The following HDAC8 variants were observed in gnomAD, a reference collection of about 807,000 sequenced individuals.
HDAC8 encodes histone deacetylase 8.
In HDAC8, 1 loss-of-function variant was observed where a neutral mutation model predicts 32.2. The observed-to-expected ratio is 0.03, with a 90% CI of 0.01 to 0.15. The LOEUF (loss-of-function observed/expected upper bound fraction) is 0.15. HDAC8 is among the 10% of genes least tolerant of loss of function. HDAC8 has a pLI of 1.00. For synonymous variants in HDAC8, 108 were observed against 113.9 expected (o/e 0.95, Z 0.33); for missense variants, 117 against 300.0 (o/e 0.39, Z 4.51).
intron 9 of HDAC8, among the ~76,000 whole-genome samples, chrX:72,354,501 C>G (rs781800950): frequency 4.5e-4 from 50 of 112,216 alleles, no homozygotes; most frequent in Non-Finnish European, 8.1e-4. Context: ...GTTTAGCTAG[C>G]CATATAGCTA....
At chrX:72,356,046 G>T (rs1555950675) in intron 9 of HDAC8, among the ~76,000 whole-genome samples, 1 of 112,187 alleles carries the variant, frequency 8.9e-6, no homozygotes, top group African/African-American at 3.2e-5. Flanking sequence ...TTAATAGATT[G>T]ACTAACTTAA....
intron 9 of HDAC8, among the ~76,000 whole-genome samples, chrX:72,353,424 TC>T (rs2044239537): frequency 8.9e-6 from 1 of 112,299 alleles, no homozygotes; most frequent in African/African-American, 3.2e-5. Flanking sequence ...GTTATTACTC[TC>T]TGATACCTGA....
At chrX:72,428,243 G>A (rs1042469085) in intron 9 of HDAC8, among the ~76,000 whole-genome samples, 5 of 111,930 alleles carry the variant, frequency 4.5e-5, no homozygotes, top group South Asian at 7.5e-4. Flanking sequence ...ACAGGCATGC[G>A]CCACCACACC....
At chrX:72,354,184 A>G (rs1334105890) in intron 9 of HDAC8, among the ~76,000 whole-genome samples, 2 of 112,386 alleles carry the variant, frequency 1.8e-5, no homozygotes, top group Non-Finnish European at 3.8e-5. Context: ...ACAGTCATAC[A>G]TAACCCATTC....
intron 9 of HDAC8, among the ~76,000 whole-genome samples, chrX:72,377,458 C>T (rs1214516120): frequency 1.8e-5 from 2 of 112,368 alleles, no homozygotes; most frequent in Non-Finnish European, 3.8e-5. Context: ...TGTTGATCTT[C>T]TCCCTAGCTG....
chrX:72,405,511 C>G (rs2046013414), intron 9 of HDAC8, among the ~76,000 whole-genome samples: 1 of 112,279 alleles, frequency 8.9e-6, no homozygotes, highest in African/African-American at 3.2e-5. Flanking sequence ...AATGGTATTT[C>G]TGTCTTCAGG....
chrX:72,560,384 A>G (rs1313741112), intron 4 of HDAC8, among the ~76,000 whole-genome samples: 1 of 108,318 alleles, frequency 9.2e-6, no homozygotes, highest in Non-Finnish European at 1.9e-5. Flanking sequence ...AAGAGTCATC[A>G]CCACTCCCTA....
Position 72,390,145 on chromosome X carries a change from C to T in HDAC8, c.1006-38307G>A, listed in dbSNP as rs141171043. On this transcript the variant is annotated intron_variant, in intron 9 of 10. Transcript: ENST00000373573. Reference sequence around the variant, plus strand: ...ATTAGGGTAAATGGGGTATCCATCACCTCAAACATTCATCATGTCTTTGTG... The same window carrying T: ...ATTAGGGTAAATGGGGTATCCATCATCTCAAACATTCATCATGTCTTTGTG... Among the ~76,000 whole-genome samples, 298 of 111,164 alleles carry T rather than the reference C, an allele frequency of 2.7e-3. 1 individual carries two copies. The highest frequency in any genetic ancestry group is 9.2e-3 in the African/African-American group (281 of 30,608).
At chrX:72,558,779 C>A (rs955985638) in intron 4 of HDAC8, among the ~76,000 whole-genome samples, 1 of 110,320 alleles carries the variant, frequency 9.1e-6, no homozygotes, top group Non-Finnish European at 1.9e-5. Context: ...GCACCCAAAT[C>A]GGTAAAGAGG....
chrX:72,555,788 T>C (rs911121977), intron 4 of HDAC8, among the ~76,000 whole-genome samples: 1 of 112,642 alleles, frequency 8.9e-6, no homozygotes, highest in East Asian at 2.8e-4. Context: ...ATAATTTGTG[T>C]TTCCAACGAA....
At chrX:72,462,903 G>T (rs953624863) in intron 8 of HDAC8, among the ~76,000 whole-genome samples, 32 of 111,960 alleles carry the variant, frequency 2.9e-4, no homozygotes, top group African/African-American at 1.0e-3. Context: ...TTTAGATAGG[G>T]TGACCATATA....
chrX:72,382,746 A>T (rs1385403170), intron 9 of HDAC8, among the ~76,000 whole-genome samples: 1 of 111,367 alleles, frequency 9.0e-6, no homozygotes, highest in Non-Finnish European at 1.9e-5. Context: ...GGGAGAGGAG[A>T]TTGATTGCTA....
intron 9 of HDAC8, among the ~76,000 whole-genome samples, chrX:72,402,093 T>C (rs1265715182): frequency 6.3e-5 from 7 of 111,746 alleles, no homozygotes; most frequent in Admixed American, 4.8e-4. Context: ...TGGTATTTAG[T>C]GTGTTTCTAG....
intron 9 of HDAC8, among the ~76,000 whole-genome samples, chrX:72,457,533 A>C (rs1384460494): frequency 1.8e-5 from 2 of 112,612 alleles, no homozygotes. Flanking sequence ...CAATATGAAA[A>C]GTCAATTGTC....
chrX:72,450,068 C>T (rs146782977), intron 9 of HDAC8, among the ~76,000 whole-genome samples: 2,321 of 112,062 alleles, frequency 0.021, 27 homozygotes, highest in Non-Finnish European at 0.032. Context: ...TACCATTCAT[C>T]CATAAAAAGG....
intron 9 of HDAC8, among the ~76,000 whole-genome samples, chrX:72,354,958 C>G (rs782579218): frequency 1.8e-5 from 2 of 112,145 alleles, no homozygotes; most frequent in South Asian, 3.8e-4. Flanking sequence ...CCTTGCCTAA[C>G]CAAGCCTCAT....
chrX:72,536,481 CTCACA>C (rs1267375142), intron 4 of HDAC8, among the ~76,000 whole-genome samples: 1 of 112,022 alleles, frequency 8.9e-6, no homozygotes, highest in Non-Finnish European at 1.9e-5. Flanking sequence ...AATTATGAAA[CTCACA>C]TTTTTTCTCT....
chrX:72,460,007 C>T (rs1473941771), intron 9 of HDAC8, among the ~76,000 whole-genome samples: 2 of 112,182 alleles, frequency 1.8e-5, no homozygotes, highest in Non-Finnish European at 1.9e-5. Flanking sequence ...GCATGACTCA[C>T]ATCTCTTAAA....
At chrX:72,376,707 C>T (rs1318383245) in intron 9 of HDAC8, among the ~76,000 whole-genome samples, 1 of 111,719 alleles carries the variant, frequency 9.0e-6, no homozygotes, top group African/African-American at 3.3e-5. Flanking sequence ...GTGTGAGCCA[C>T]CATGCCCCAC....
Sources: gnomAD v4.1 joint callset for allele counts (sites outside exome capture counted in the v4.1 genomes callset) on GRCh38, gnomAD v4.1.1 for gene constraint, MANE v1.5 for transcripts, NCBI Gene and HGNC (gene_info 2026-07-23, HGNC 2026-07-21) for gene names.